CADM1: variants seen among roughly 807,000 people sequenced by gnomAD.
CADM1 encodes the protein cell adhesion molecule 1.
Under a neutral mutation model 53.1 loss-of-function variants are expected in CADM1, and 15 were observed. The ratio of observed to expected loss-of-function variants is 0.28; its 90% confidence interval spans 0.19 to 0.44. The LOEUF is 0.44. CADM1 is among the 20% of genes least tolerant of loss of function. The pLI, the probability that CADM1 is intolerant of heterozygous loss-of-function variation, is 1.00. For missense variants in CADM1, 434 were observed against 611.3 expected (o/e 0.71, Z 3.06); for synonymous variants, 281 against 243.0 (o/e 1.16, Z -1.45).
chr11:115,214,833 A>G (rs1565302805), intron 6 of CADM1, 53 bp from the exon 7 acceptor site: 1 of 1,547,918 alleles, frequency 6.5e-7, no homozygotes, highest in Admixed American at 1.7e-5. Context: ...CCATTGCATC[A>G]AACTGCTCAC....
chr11:115,435,062 T>C (rs1948152325), intron 1 of CADM1, among the ~76,000 whole-genome samples: 1 of 151,874 alleles, frequency 6.6e-6, no homozygotes. Flanking sequence ...GGTTTCTCCA[T>C]GTTGGCCAAG....
chr11:115,237,446 C>T (rs768551483), intron 3 of CADM1, among the ~76,000 whole-genome samples: 3 of 152,154 alleles, frequency 2.0e-5, no homozygotes, highest in Non-Finnish European at 4.4e-5. Context: ...AAAAATTTCC[C>T]TTCTACAGCT....
chr11:115,181,401 C>T (rs536020638), intron 10 of CADM1, among the ~76,000 whole-genome samples: 2 of 152,144 alleles, frequency 1.3e-5, no homozygotes, highest in Non-Finnish European at 2.9e-5. Context: ...TAGTTATCTT[C>T]CCCACCCTCA....
intron 1 of CADM1, chr11:115,340,210 C>A (rs966304383): frequency 6.6e-6 from 1 of 152,082 alleles, no homozygotes; most frequent in Non-Finnish European, 1.5e-5. Flanking sequence ...AGATTCATAT[C>A]TGTACATACC....
intron 1 of CADM1, among the ~76,000 whole-genome samples, chr11:115,425,299 G>A (rs930827485): frequency 2.0e-5 from 3 of 152,168 alleles, no homozygotes; most frequent in African/African-American, 7.2e-5. Flanking sequence ...CCTAACCAAA[G>A]TATTGCCATT....
chr11:115,262,836 G>A (rs1036495516), intron 1 of CADM1, among the ~76,000 whole-genome samples: 1 of 151,386 alleles, frequency 6.6e-6, no homozygotes, highest in African/African-American at 2.4e-5. Context: ...AATACCTAAA[G>A]ACTTACAGAA....
rs1036101117 is a variant in CADM1 at position 115,175,681 on chromosome 11, C to T, written c.*793G>A. The T allele has an allele frequency of 6.1e-6, 6 of 987,024 alleles. No homozygotes were observed. Among genetic ancestry groups the T allele is most frequent in the Non-Finnish European group, 7.2e-6 (6 of 830,944 alleles). 61.1% of individuals were successfully genotyped at this position (987,024 alleles called of 1,614,324 possible). A position where few individuals can be genotyped will look rare whatever the true frequency, so the allele number is the denominator to read the frequency against. ...ACAGCGTAGGGTATCTATACTGAGC[C>T]GTCTACAGATACAGAATTAAAGACA... On this transcript the variant is annotated 3_prime_UTR_variant, in exon 12 of 12. Coordinates refer to ENST00000331581, the MANE Select transcript of CADM1 (RefSeq NM_001301043.2).
intron 1 of CADM1, among the ~76,000 whole-genome samples, chr11:115,267,630 TTC>T (rs1943178285): frequency 6.6e-6 from 1 of 151,988 alleles, no homozygotes; most frequent in Non-Finnish European, 1.5e-5. Flanking sequence ...GTCCACCCCT[TTC>T]AGTACATTTC....
At chr11:115,431,267 A>T (rs190499152) in intron 1 of CADM1, among the ~76,000 whole-genome samples, 16 of 152,206 alleles carry the variant, frequency 1.1e-4, no homozygotes, top group African/African-American at 3.9e-4. Flanking sequence ...TAACTATATT[A>T]TCCTTATCTT....
intron 1 of CADM1, among the ~76,000 whole-genome samples, chr11:115,454,046 C>CT (rs1948633429): frequency 6.7e-6 from 1 of 149,538 alleles, no homozygotes; most frequent in African/African-American, 2.5e-5. Context: ...CTAAAATGTT[C>CT]TTTAAAAAAA....
intron 5 of CADM1, among the ~76,000 whole-genome samples, chr11:115,224,140 T>C (rs1006208985): frequency 6.6e-6 from 1 of 152,056 alleles, no homozygotes; most frequent in African/African-American, 2.4e-5. Context: ...CCACTCCAAA[T>C]AGGAAAGATT....
rs149054288 is a variant in CADM1, at chr11:115,315,089, A to T, written c.125-74669T>A. 3.3e-3 allele frequency among the ~76,000 whole-genome samples: 495 copies of T among 152,282 alleles called. 5 individuals are homozygous for T. The highest frequency in any genetic ancestry group is 0.011 in the African/African-American group (472 of 41,560). ...GCAAGAGAAACAGATGCTTTGAATC[A>T]TTTCAAAGTACATCCCTGTCAGAAA... On this transcript the variant is annotated intron_variant, in intron 1 of 11. Transcript: ENST00000331581.
chr11:115,211,163 C>G (rs45516099), intron 7 of CADM1, among the ~76,000 whole-genome samples: 24,138 of 147,458 alleles, frequency 0.16, 2,096 homozygotes, highest in East Asian at 0.33. Flanking sequence ...CAGTCTTGCT[C>G]CTTCACACTT....
At chr11:115,295,038 TCAACAA>T (rs1208987804) in intron 1 of CADM1, among the ~76,000 whole-genome samples, 3 of 151,966 alleles carry the variant, frequency 2.0e-5, no homozygotes, top group Non-Finnish European at 4.4e-5. Flanking sequence ...AAACTCAGTC[TCAACAA>T]CAACAACAAC....
intron 1 of CADM1, among the ~76,000 whole-genome samples, chr11:115,241,420 G>T (rs1395493011): frequency 6.6e-6 from 1 of 152,210 alleles, no homozygotes; most frequent in African/African-American, 2.4e-5. Flanking sequence ...CCTACTTACA[G>T]AACAAAAAGT....
chr11:115,367,953 C>G (rs1037956367), intron 1 of CADM1, among the ~76,000 whole-genome samples: 40 of 151,890 alleles, frequency 2.6e-4, no homozygotes, highest in African/African-American at 9.2e-4. Context: ...GGTTAAATGT[C>G]TAGGTATAGT....
intron 1 of CADM1, among the ~76,000 whole-genome samples, chr11:115,299,177 A>G (rs1184303617): frequency 6.6e-6 from 1 of 152,234 alleles, no homozygotes; most frequent in African/African-American, 2.4e-5. Context: ...CTGCTATTGC[A>G]GTGCTAAATG....
chr11:115,208,940 G>A (rs983661205), intron 8 of CADM1, among the ~76,000 whole-genome samples: 13 of 152,186 alleles, frequency 8.5e-5, no homozygotes, highest in Non-Finnish European at 1.3e-4. Flanking sequence ...AGATAAAGCC[G>A]CAGAGTTAGA....
At chr11:115,477,048 T>C (rs917545149) in intron 1 of CADM1, among the ~76,000 whole-genome samples, 1 of 151,388 alleles carries the variant, frequency 6.6e-6, no homozygotes, top group Non-Finnish European at 1.5e-5. Flanking sequence ...AACTGAAGAG[T>C]ACAGAACAGA....
Sources: gnomAD v4.1 joint callset for allele counts (sites outside exome capture counted in the v4.1 genomes callset) on GRCh38, gnomAD v4.1.1 for gene constraint, MANE v1.5 for transcripts, NCBI Gene and HGNC (gene_info 2026-07-23, HGNC 2026-07-21) for gene names.